BIN2: variants seen among roughly 807,000 people sequenced by gnomAD.
The protein encoded by BIN2 is breast cancer associated protein BRAP1.
A neutral mutation model predicts 67.9 loss-of-function variants in BIN2; 43 were observed. The ratio of observed to expected loss-of-function variants is 0.63; its 90% CI spans 0.50 to 0.82. BIN2 has a LOEUF of 0.82. Ranked by LOEUF, BIN2 falls within the 40% of genes least tolerant of loss-of-function variation. BIN2 has a pLI of 0.00. For synonymous variants in BIN2, 244 were observed against 246.8 expected (o/e 0.99, Z 0.11); for missense variants, 581 against 671.6 (o/e 0.87, Z 1.49).
At chr12:51,320,806 A>T (rs1395209726) in intron 1 of BIN2, among the ~76,000 whole-genome samples, 1 of 151,974 alleles carries the variant, frequency 6.6e-6, no homozygotes, top group East Asian at 1.9e-4. Context: ...TCAACAGAGG[A>T]GAAGACCAAC....
chr12:51,311,600 T>C (rs1945997551), intron 2 of BIN2, among the ~76,000 whole-genome samples: 2 of 151,970 alleles, frequency 1.3e-5, no homozygotes, highest in Non-Finnish European at 2.9e-5. Flanking sequence ...AGGCTGGTCT[T>C]GAATTCCTAG....
chr12:51,309,262 G>GA (rs890457186), intron 2 of BIN2, among the ~76,000 whole-genome samples: 7 of 151,802 alleles, frequency 4.6e-5, no homozygotes, highest in African/African-American at 9.7e-5. Context: ...TTCACAAAAA[G>GA]AAAAAAAATC....
At chr12:51,284,629 C>T in intron 12 of BIN2, 87 bp downstream of exon 12, 2 of 1,071,882 alleles carry the variant, frequency 1.9e-6, no homozygotes, top group South Asian at 2.6e-5. Context: ...GCCGGATTCC[C>T]CTTGTAGCCT....
rs563966631 is a variant in BIN2 at position 51,302,305 on chromosome 12, G to A, written c.313-190C>T. 308 of 565,706 alleles carry A rather than the reference G, an allele frequency of 5.4e-4. 4 individuals are homozygous for A. In the South Asian group the frequency reaches 6.4e-3, roughly 12 times the overall value. The allele number at this position is 565,706 out of a possible 1,614,324, so 35.0% of individuals were successfully genotyped here. ...TACCCCAAGGAACTGCTCTATGGGAGTCTGAACATACATTCAGAGATTAAG... is the reference window on the plus strand; with the variant it reads ...TACCCCAAGGAACTGCTCTATGGGAATCTGAACATACATTCAGAGATTAAG... On this transcript the variant is annotated intron_variant, in intron 4 of 12. Coordinates refer to ENST00000615107, the MANE Select transcript of BIN2 (RefSeq NM_016293.4).
intron 12 of BIN2, among the ~76,000 whole-genome samples, chr12:51,281,821 C>T (rs189155039): frequency 1.3e-5 from 2 of 152,162 alleles, no homozygotes; most frequent in East Asian, 3.9e-4. Context: ...GTGGCACAAT[C>T]ATAGCTAACT....
At chr12:51,283,941 C>T (rs563615419) in intron 12 of BIN2, among the ~76,000 whole-genome samples, 119 of 145,654 alleles carry the variant, frequency 8.2e-4, no homozygotes, top group African/African-American at 2.3e-3. Context: ...TGCGGTGAGC[C>T]GAGATCATGC....
intron 3 of BIN2, 101 bp downstream of exon 3, chr12:51,302,986 T>TA: frequency 7.2e-7 from 1 of 1,394,324 alleles, no homozygotes; most frequent in South Asian, 1.2e-5. Flanking sequence ...AGTCAAATGA[T>TA]AAAATGACAA....
At chr12:51,304,980 C>G (rs762848972) in intron 2 of BIN2, among the ~76,000 whole-genome samples, 1 of 151,308 alleles carries the variant, frequency 6.6e-6, no homozygotes, top group Non-Finnish European at 1.5e-5. Context: ...ATCACGCCAC[C>G]GTACTCCAGG....
At chr12:51,298,148 C>T (rs772280190) in intron 7 of BIN2, among the ~76,000 whole-genome samples, 2 of 152,046 alleles carry the variant, frequency 1.3e-5, no homozygotes, top group South Asian at 2.1e-4. Flanking sequence ...CTGAGGTAGG[C>T]GGATCACAAG....
Position 51,307,218 on chromosome 12 carries a change from G to A in BIN2, c.163-4077C>T, listed in dbSNP as rs1045823241. On this transcript the variant is annotated intron_variant, in intron 2 of 12. Coordinates refer to ENST00000615107, the MANE Select transcript of BIN2 (RefSeq NM_016293.4). ...GAATGGCTTGAACCCGGGAGGTGGAGGTTACAGTGAGCTGAGATCGCGACA... is the reference window on the plus strand; with the variant it reads ...GAATGGCTTGAACCCGGGAGGTGGAAGTTACAGTGAGCTGAGATCGCGACA... Among the ~76,000 whole-genome samples the A allele has an allele frequency of 4.0e-5, 6 of 149,304 alleles. No homozygotes were observed. The East Asian group carries it at 6.0e-4, about 15-fold the overall frequency.
chr12:51,318,535 T>C (rs4335588), intron 1 of BIN2, among the ~76,000 whole-genome samples: 53,292 of 152,098 alleles, frequency 0.35, 9,633 homozygotes, highest in Middle Eastern at 0.43. Context: ...GTTGGAATTA[T>C]AGGCGTGAGC....
At chr12:51,305,140 C>G (rs1592270780) in intron 2 of BIN2, among the ~76,000 whole-genome samples, 3 of 151,350 alleles carry the variant, frequency 2.0e-5, no homozygotes, top group South Asian at 2.1e-4. Context: ...AGTTTGAGAC[C>G]AGCCTGACCA....
In BIN2 at chr12:51,299,703, G is replaced by A; in HGVS notation, c.420C>T (p.Ala140=). 6.2e-7 allele frequency: 1 copy of A among 1,614,048 alleles called. No homozygotes were observed. Among genetic ancestry groups the A allele is most frequent in the Non-Finnish European group, 8.5e-7 (1 of 1,180,002 alleles). The change falls in exon 6 of 13, where the codon GCC becomes GCT. Residue 140 remains alanine (A), a synonymous_variant. Coordinates refer to ENST00000615107, the MANE Select transcript of BIN2 (RefSeq NM_016293.4). ...AGTCCACGAGTTTCCGACCCCGCTT[G>A]GCAATTCTCTCCTGACCCAGGGTAA... ...AQFSEIKERI[A]KRGRKLVDYD...
chr12:51,292,414 G>A (rs1407718785), intron 9 of BIN2, 70 bp from the exon 10 acceptor site: 28 of 1,404,966 alleles, frequency 2.0e-5, no homozygotes, highest in Non-Finnish European at 2.4e-5. Context: ...CAAAACTTAC[G>A]ATGCATGTAA....
rs1207415945 is a variant in BIN2 at position 51,292,124 on chromosome 12, C to CTTCA, written c.978_981dup (p.Ala328Ter). 6.2e-7 allele frequency: 1 copy of CTTCA among 1,614,112 alleles called. No individual in the cohort carries two copies. Among genetic ancestry groups the CTTCA allele is most frequent in the East Asian group, 2.2e-5 (1 of 44,874 alleles). On this transcript the variant is annotated stop_gained and frameshift_variant, in exon 10 of 13. Coordinates refer to ENST00000615107, the MANE Select transcript of BIN2 (RefSeq NM_016293.4). LOFTEE classifies it high-confidence loss of function. Reference sequence around the variant, plus strand: ...GGCTCATCTTCCTCAGAGGAGCTTGCTTCAGATCCTTCCTTCTCTATTTCC... The same window carrying CTTCA: ...GGCTCATCTTCCTCAGAGGAGCTTGCTTCATTCAGATCCTTCCTTCTCTATTTCC...
Position 51,292,154 on chromosome 12 carries a change from C to A in BIN2, c.952G>T (p.Glu318Ter). ...GATCCTTCCTTCTCTATTTCCTCCT[C>A]TTCTAAGAGCTCCTTGATCTCAGAA... is the stretch of plus-strand genomic sequence containing the variant. ...DNSEIKELLE[E>*]EEIEKEGSEA... Residue 318 changes from glutamate (E) to a stop codon, truncating the protein, a stop_gained, in exon 10 of 13, where the codon GAG becomes TAG. Transcript: ENST00000615107. LOFTEE classifies it high-confidence loss of function. The A allele has an allele frequency of 6.2e-7, 1 of 1,613,992 alleles. No homozygotes were observed. Among genetic ancestry groups the A allele is most frequent in the Non-Finnish European group, 8.5e-7 (1 of 1,180,004 alleles).
At chr12:51,285,800 T>A (rs1048835072) in intron 11 of BIN2, among the ~76,000 whole-genome samples, 12 of 151,912 alleles carry the variant, frequency 7.9e-5, no homozygotes, top group African/African-American at 2.7e-4. Context: ...TTAGTAGAGA[T>A]GAGGCTTCAC....
At chr12:51,302,632 G>A in intron 4 of BIN2, 54 bp downstream of exon 4, 1 of 1,416,888 alleles carries the variant, frequency 7.1e-7, no homozygotes, top group Non-Finnish European at 1.0e-6. Flanking sequence ...AGCTGAGGTT[G>A]AGATGCAAAC....
intron 11 of BIN2, among the ~76,000 whole-genome samples, chr12:51,286,422 C>T (rs1592248047): frequency 6.6e-6 from 1 of 152,084 alleles, no homozygotes; most frequent in African/African-American, 2.4e-5. Context: ...CAGACTCAGG[C>T]GGAAGGAGAG....
Sources: allele counts gnomAD v4.1 joint callset (sites outside exome capture counted in the v4.1 genomes callset), GRCh38; gene constraint gnomAD v4.1.1; transcripts MANE v1.5; gene names NCBI Gene and HGNC (gene_info 2026-07-23, HGNC 2026-07-21).